Variants in TMEM161A observed in about 807,000 individuals in gnomAD.
The protein encoded by TMEM161A is transmembrane protein 161A.
A neutral mutation model predicts 57.1 loss-of-function variants in TMEM161A; 46 were observed. That is an observed-to-expected ratio of 0.81 (90% CI 0.64 to 1.03). The LOEUF is 1.03. Among genes scored for constraint, TMEM161A ranks in the 50% least tolerant of loss-of-function variants. The pLI, the probability that TMEM161A is intolerant of heterozygous loss-of-function variation, is 0.00. For synonymous variants in TMEM161A, 288 were observed against 279.0 expected, an observed-to-expected ratio of 1.03 and a Z score of -0.32; for missense variants, 601 against 621.5, an observed-to-expected ratio of 0.97 and a Z score of 0.35.
rs1444334109 is a variant in TMEM161A at position 19,121,652 on chromosome 19, G to C, written c.673C>G (p.Leu225Val). Residue 225 changes from leucine to valine, a missense_variant, in exon 8 of 12, where the codon CTG (leucine) becomes GTG (valine). By Grantham distance (32) the Leu-to-Val change is conservative. Transcript: ENST00000162044. The surrounding 1 kb of genome is among the most constrained non-coding windows in gnomAD (Gnocchi z 5.8). Reference sequence around the variant, plus strand: ...ACTGCCAGTCCCACGCGGATAGCCAGCTTGGCCACAGGAAGCCTAGGAGAA... The same window carrying C: ...ACTGCCAGTCCCACGCGGATAGCCACCTTGGCCACAGGAAGCCTAGGAGAA... ...GWDWALPVAK[L>V]AIRVGLAVVG... 3 of 1,613,646 alleles carry C rather than the reference G, an allele frequency of 1.9e-6. No individual in the cohort carries two copies. Among genetic ancestry groups the C allele is most frequent in the Non-Finnish European group, 2.5e-6 (3 of 1,179,760 alleles).
At chr19:19,138,312 A>C in intron 1 of TMEM161A, 114 bp downstream of exon 1, 1 of 1,469,028 alleles carries the variant, frequency 6.8e-7, no homozygotes, top group Non-Finnish European at 9.3e-7. Flanking sequence ...CGAATCCCTC[A>C]GAGCCTCCAA....
chr19:19,134,982 G>A lies in TMEM161A; in HGVS notation c.4-95C>T, dbSNP rs2059978498. 4 of 890,876 alleles carry A rather than the reference G, an allele frequency of 4.5e-6. No individual in the cohort carries two copies. The East Asian group carries it at 8.0e-5, about 18-fold the overall frequency. The allele number at this position is 890,876 out of a possible 1,614,324, so 55.2% of individuals were successfully genotyped here. ...AGGCTATTTATAGAGAAGTCAGGCTGGATGGGGGAAGGGCGAGCCTCTTAG... is the reference window on the plus strand; with the variant it reads ...AGGCTATTTATAGAGAAGTCAGGCTAGATGGGGGAAGGGCGAGCCTCTTAG... On this transcript the variant is annotated intron_variant, in intron 1 of 11. Coordinates refer to ENST00000162044, the MANE Select transcript of TMEM161A (RefSeq NM_017814.3).
At chr19:19,135,015 C>T (rs879873336) in intron 1 of TMEM161A, 128 bp from the exon 2 acceptor site, 3 of 671,606 alleles carry the variant, frequency 4.5e-6, no homozygotes, top group South Asian at 1.8e-5. Flanking sequence ...TAGGCTCTAG[C>T]GGCTTCTTAG....
At position 19,121,104 on chromosome 19, in the gene TMEM161A, C is replaced by T. The variant is rs766885746; in HGVS notation, c.977G>A (p.Arg326Gln). 3.1e-6 allele frequency: 5 copies of T among 1,611,790 alleles called. No homozygotes were observed. Among genetic ancestry groups the T allele is most frequent in the African/African-American group, 1.3e-5 (1 of 75,046 alleles). Residue 326 changes from arginine (R) to glutamine (Q), a missense_variant, in exon 10 of 12, where the codon CGG becomes CAG. Physicochemically the swap from Arg to Gln is conservative, Grantham distance 43. Transcript: ENST00000162044. This position sits in a 1 kb window ranked among gnomAD's most constrained non-coding sequence, Gnocchi z 5.8. ...LWLLVVLCLL[R>Q]LAVTRPHLQA... ...CAGGTGGGGCCGGGTCACCGCCAGC[C>T]GCAGCAGGCACAGCACCACCAGCAA...
chr19:19,120,671 T>TC (rs1034084903), intron 11 of TMEM161A, 94 bp downstream of exon 11: 334 of 835,102 alleles, frequency 4.0e-4, no homozygotes, highest in South Asian at 6.7e-4. Flanking sequence ...GCCCCGCCTC[T>TC]CCCCCCCCAC....
At chr19:19,128,333 G>A (rs575533184) in intron 6 of TMEM161A, among the ~76,000 whole-genome samples, 1 of 148,776 alleles carries the variant, frequency 6.7e-6, no homozygotes, top group South Asian at 2.1e-4. Context: ...CCAGGTTCAC[G>A]CCATTCTCCT....
chr19:19,119,778 G>A lies in TMEM161A; in HGVS notation c.*152C>T. 1 of 974,740 alleles carries A rather than the reference G, an allele frequency of 1.0e-6. No homozygotes were observed. Among genetic ancestry groups the A allele is most frequent in the Non-Finnish European group, 1.5e-6 (1 of 675,162 alleles). The allele number at this position is 974,740 out of a possible 1,614,324, so 60.4% of individuals were successfully genotyped here. On this transcript the variant is annotated 3_prime_UTR_variant, in exon 12 of 12. Transcript: ENST00000162044. ...TGAGGCAGAAACTCGGCGTCCAAGGGGGGCCGCGGGTCAGGCACTGTGGTG... is the reference window on the plus strand; with the variant it reads ...TGAGGCAGAAACTCGGCGTCCAAGGAGGGCCGCGGGTCAGGCACTGTGGTG...
At chr19:19,133,515 A>C (rs1222905419) in intron 2 of TMEM161A, among the ~76,000 whole-genome samples, 2 of 152,132 alleles carry the variant, frequency 1.3e-5, no homozygotes, top group African/African-American at 2.4e-5. Flanking sequence ...TCTGTCACCC[A>C]GACTGGAGTG....
intron 6 of TMEM161A, among the ~76,000 whole-genome samples, chr19:19,123,620 T>C (rs1420704028): frequency 6.6e-6 from 1 of 152,168 alleles, no homozygotes; most frequent in Non-Finnish European, 1.5e-5. Flanking sequence ...AATATCCAGC[T>C]ACATGTTTTT....
At position 19,136,427 on chromosome 19, in the gene TMEM161A, G is replaced by A. The variant is rs1053266939; in HGVS notation, c.4-1540C>T. ...TCCCAGCATGTTGGGAGGCTGAGGC[G>A]GGCTGATCACTTGAGGTCAGGAGTT... On this transcript the variant is annotated intron_variant, in intron 1 of 11. Transcript: ENST00000162044. 1.6e-4 allele frequency among the ~76,000 whole-genome samples: 24 copies of A among 152,060 alleles called. No homozygotes were observed. In the East Asian group the frequency reaches 4.3e-3, roughly 27 times the overall value.
intron 6 of TMEM161A, among the ~76,000 whole-genome samples, chr19:19,122,182 T>G (rs1237883542): frequency 2.6e-5 from 4 of 152,078 alleles, no homozygotes; most frequent in African/African-American, 9.7e-5. Flanking sequence ...TAATCCCAGC[T>G]ACTTGAGAGG....
intron 6 of TMEM161A, among the ~76,000 whole-genome samples, chr19:19,127,565 G>A (rs560097656): frequency 4.0e-5 from 6 of 151,818 alleles, no homozygotes; most frequent in Admixed American, 2.0e-4. Flanking sequence ...CTCGTGATCC[G>A]CCCGCCTTGG....
At chr19:19,122,789 A>T (rs779395310) in intron 6 of TMEM161A, among the ~76,000 whole-genome samples, 246 of 149,924 alleles carry the variant, frequency 1.6e-3, no homozygotes, top group Non-Finnish European at 2.2e-3. Context: ...AAAAAGGAGC[A>T]AATTCATATG....
intron 6 of TMEM161A, 148 bp downstream of exon 6, chr19:19,130,008 T>G: frequency 1.2e-6 from 1 of 825,062 alleles, no homozygotes; most frequent in Non-Finnish European, 1.9e-6. Context: ...GTTCAGGAGC[T>G]GAGATGGTCA....
intron 6 of TMEM161A, among the ~76,000 whole-genome samples, chr19:19,126,443 G>T (rs563798109): frequency 6.6e-6 from 1 of 151,800 alleles, no homozygotes; most frequent in South Asian, 2.1e-4. Flanking sequence ...AATATAAAAT[G>T]GGCTGAGCAC....
chr19:19,132,431 C>A lies in TMEM161A; in HGVS notation c.364G>T (p.Ala122Ser). 6.2e-7 allele frequency: 1 copy of A among 1,614,146 alleles called. No individual in the cohort carries two copies. The highest frequency in any genetic ancestry group is 8.5e-7 in the Non-Finnish European group (1 of 1,180,022). The stretch of plus-strand genomic sequence containing the variant: ...GCTGGTCCCAGCATGTAGTAGTAGG[C>A]CTCTGTGAAGAGGTACACGCCGCCC... ...YSGGVYLFTEAYYYMLGPAKE... is the reference protein window; with the variant it reads ...YSGGVYLFTESYYYMLGPAKE... The change falls in exon 5 of 12, where the codon GCC becomes TCC. Residue 122 changes from alanine to serine, a missense_variant. Ala to Ser is a moderately conservative substitution (Grantham distance 99). Coordinates refer to ENST00000162044, the MANE Select transcript of TMEM161A (RefSeq NM_017814.3). The surrounding 1 kb of genome is among the most constrained non-coding windows in gnomAD (Gnocchi z 4.3).
Position 19,132,888 on chromosome 19 carries a change from G to A in TMEM161A, c.189-134C>T. 1.2e-6 allele frequency: 1 copy of A among 802,490 alleles called. No homozygotes were observed. The highest frequency in any genetic ancestry group is 1.9e-6 in the Non-Finnish European group (1 of 515,652). 49.7% of individuals were successfully genotyped at this position (802,490 alleles called of 1,614,324 possible). On this transcript the variant is annotated intron_variant, in intron 3 of 11. Transcript: ENST00000162044. The surrounding 1 kb of genome is among the most constrained non-coding windows in gnomAD (Gnocchi z 4.3). ...TTGGCTCCTCTGCACACTGGGATAT[G>A]GGGATCCCCCCACCCACCCACAGGA... is the stretch of plus-strand genomic sequence containing the variant.
At position 19,121,542 on chromosome 19, in the gene TMEM161A, C is replaced by T. The variant is rs1166755399; in HGVS notation, c.783G>A (p.Glu261=). Residue 261 remains glutamate, a synonymous_variant, in exon 8 of 12, where the codon GAG becomes GAA. Coordinates refer to ENST00000162044, the MANE Select transcript of TMEM161A (RefSeq NM_017814.3). This position sits in a 1 kb window ranked among gnomAD's most constrained non-coding sequence, Gnocchi z 5.8. ...QTHRDALTMS[E]DRPMLQFLLH... is the part of the protein sequence containing the mutation. ...CACTTAACTGCAGCATGGGTCTGTC[C>T]TCCGACATGGTCAGTGCGTCCCGGT... The T allele has an allele frequency of 3.7e-6, 6 of 1,613,888 alleles. No homozygotes were observed. The Admixed American group carries it at 6.7e-5, about 18-fold the overall frequency.
intron 10 of TMEM161A, 54 bp downstream of exon 10, chr19:19,120,938 A>G: frequency 6.2e-7 from 1 of 1,610,078 alleles, no homozygotes; most frequent in Non-Finnish European, 8.5e-7. Context: ...AGGACCAGGA[A>G]CCCCACCCTG....
Sources: gnomAD v4.1 joint callset for allele counts (sites outside exome capture counted in the v4.1 genomes callset) on GRCh38, gnomAD v4.1.1 for gene constraint, Gnocchi (gnomAD v3.1) non-coding constraint, MANE v1.5 for transcripts, NCBI Gene and HGNC (gene_info 2026-07-23, HGNC 2026-07-21) for gene names.